The following IL1RN variants were observed in gnomAD, a reference collection of about 807,000 sequenced individuals.
IL1RN encodes the protein interleukin-1 receptor antagonist protein.
IL1RN carries 10 observed loss-of-function variants against 13.7 expected under a neutral mutation model. That is an observed-to-expected ratio of 0.73 (90% confidence interval 0.45 to 1.24). The LOEUF (loss-of-function observed/expected upper bound fraction) is 1.24, where lower values mean the gene tolerates loss of function less well. IL1RN is among the 50% of genes most tolerant of loss of function. The probability of loss-of-function intolerance (pLI) is 0.00; values close to 1 mark genes in which losing one functional copy is unlikely to be tolerated. For synonymous variants in IL1RN, 102 were observed against 82.7 expected, an observed-to-expected ratio of 1.23 and a Z score of -1.27; for missense variants, 213 against 222.1, an observed-to-expected ratio of 0.96 and a Z score of 0.26.
At chr2:113,106,307 TA>T (rs1205585825), upstream of IL1RN, among the ~76,000 whole-genome samples, 82 of 152,296 alleles carry the variant, frequency 5.4e-4, no homozygotes, top group Admixed American at 6.5e-5. Context: ...TACAAAATAA[TA>T]ACTTATTTTT....
At chr2:113,115,859 C>G (rs182311248), upstream of IL1RN, among the ~76,000 whole-genome samples, 423 of 152,290 alleles carry the variant, frequency 2.8e-3, 5 homozygotes, top group African/African-American at 9.8e-3. Flanking sequence ...TTGGGACCAC[C>G]TGGGAATGCC....
intron 1 of IL1RN, among the ~76,000 whole-genome samples, chr2:113,118,921 T>C (rs4251979): frequency 0.21 from 31,855 of 151,988 alleles, 4,061 homozygotes; most frequent in South Asian, 0.28. Context: ...TCTGCAATCT[T>C]AGCTACTTGG....
At chr2:113,126,800 G>A (rs7607910), upstream of IL1RN, among the ~76,000 whole-genome samples, 40 of 152,246 alleles carry the variant, frequency 2.6e-4, no homozygotes, top group African/African-American at 8.9e-4. Flanking sequence ...AAGGTCACAC[G>A]GGTGGCACAA....
upstream of IL1RN, among the ~76,000 whole-genome samples, chr2:113,107,569 C>CA (rs33981313): frequency 0.36 from 51,259 of 143,014 alleles, 9,310 homozygotes; most frequent in Non-Finnish European, 0.4. Context: ...ACTAAAAATA[C>CA]AAAAAAAAAA....
chr2:113,111,777 A>G (rs898528410), intron 1 of IL1RN, among the ~76,000 whole-genome samples: 16 of 152,210 alleles, frequency 1.1e-4, no homozygotes, highest in Non-Finnish European at 1.5e-4. Flanking sequence ...GATAACCTCT[A>G]TTGCATGCTA....
Position 113,132,739 on chromosome 2 carries a change from C to T in IL1RN, c.402C>T (p.Thr134=), listed in dbSNP as rs1191722960. 1 of 1,614,146 alleles carries T rather than the reference C, an allele frequency of 6.2e-7. No individual in the cohort carries two copies. The highest frequency in any genetic ancestry group is 1.3e-5 in the African/African-American group (1 of 74,942). Residue 134 remains threonine (T), a synonymous_variant, in exon 4 of 4, where the codon ACC becomes ACT. Coordinates refer to ENST00000409930, the MANE Select transcript of IL1RN (RefSeq NM_173842.3). ...AFIRSDSGPT[T]SFESAACPGW... is the part of the protein sequence containing the mutation. ...TCCGCTCAGACAGTGGCCCCACCAC[C>T]AGTTTTGAGTCTGCCGCCTGCCCCG...
chr2:113,113,769 A>C (rs1686542106), upstream of IL1RN, among the ~76,000 whole-genome samples: 1 of 152,214 alleles, frequency 6.6e-6, no homozygotes, highest in Non-Finnish European at 1.5e-5. Context: ...TAGTTTAAAA[A>C]TGGTTGGACT....
intron 1 of IL1RN, among the ~76,000 whole-genome samples, chr2:113,111,449 C>T (rs1264294598): frequency 6.6e-6 from 1 of 152,192 alleles, no homozygotes; most frequent in Non-Finnish European, 1.5e-5. Context: ...ATTCTGAATA[C>T]TGTTGTGGAA....
upstream of IL1RN, among the ~76,000 whole-genome samples, chr2:113,103,758 TG>T (rs1686347783): frequency 6.6e-6 from 1 of 152,010 alleles, no homozygotes; most frequent in East Asian, 1.9e-4. Context: ...GAAAGATGGT[TG>T]GGGAGAGCAG....
At chr2:113,125,952 C>A (rs946234687), upstream of IL1RN, among the ~76,000 whole-genome samples, 3 of 152,186 alleles carry the variant, frequency 2.0e-5, no homozygotes, top group Middle Eastern at 3.2e-3. Context: ...GCACATGCCA[C>A]CATCCCTGCT....
upstream of IL1RN, among the ~76,000 whole-genome samples, chr2:113,109,422 A>T (rs2104422211): frequency 6.6e-6 from 1 of 152,042 alleles, no homozygotes; most frequent in African/African-American, 2.4e-5. Context: ...AAAAAAAAAA[A>T]AAAAAAAATT....
Position 113,119,741 on chromosome 2 carries a change from G to A in IL1RN, c.11-325G>A, listed in dbSNP as rs143133759. On this transcript the variant is annotated intron_variant, in intron 1 of 5. Coordinates refer to the IL1RN transcript ENST00000259206. ...CACAATAGGTGCTAAATAAATGTGT[G>A]TTAACTTGAATTGGATTGAATTCGG... Among the ~76,000 whole-genome samples, 712 of 152,352 alleles carry A rather than the reference G, an allele frequency of 4.7e-3. 7 individuals are homozygous for A. The highest frequency in any genetic ancestry group is 0.011 in the Admixed American group (167 of 15,308).
chr2:113,133,401 T>C lies in IL1RN; in HGVS notation c.*530T>C, dbSNP rs191839052. On this transcript the variant is annotated 3_prime_UTR_variant, in exon 4 of 4. Coordinates refer to ENST00000409930, the MANE Select transcript of IL1RN (RefSeq NM_173842.3). The stretch of plus-strand genomic sequence containing the variant: ...GAGAGCCCTTCATTTGGAGATTATG[T>C]TCTTTCGGGGAGAGGCTGAGGACTT... The C allele has an allele frequency of 6.0e-6, 1 of 167,296 alleles. No individual in the cohort carries two copies. The highest frequency in any genetic ancestry group is 1.7e-4 in the East Asian group (1 of 6,004). The allele number at this position is 167,296 out of a possible 1,614,324, so 10.4% of individuals were successfully genotyped here.
chr2:113,108,228 CTT>C (rs1686415878), upstream of IL1RN, among the ~76,000 whole-genome samples: 1 of 150,262 alleles, frequency 6.7e-6, no homozygotes, highest in African/African-American at 2.4e-5. Flanking sequence ...GAGTCCTTCT[CTT>C]ATCTTTTTTT....
intron 2 of IL1RN, 23 bp downstream of exon 2, chr2:113,129,687 A>G (rs1289063805): frequency 6.8e-7 from 1 of 1,478,970 alleles, no homozygotes; most frequent in South Asian, 1.1e-5. Context: ...CAGGAAAGCC[A>G]ATGTATGTGG....
intron 1 of IL1RN, among the ~76,000 whole-genome samples, chr2:113,119,427 C>T (rs1686692471): frequency 6.6e-6 from 1 of 152,190 alleles, no homozygotes; most frequent in Admixed American, 6.5e-5. Context: ...TGTCTTCAAA[C>T]CACTACACTA....
In IL1RN at chr2:113,129,561, C is replaced by G; in HGVS notation, c.117-15C>G. The stretch of plus-strand genomic sequence containing the variant: ...TGGTGGCTGTGCACTACAGCTGAGT[C>G]CTTTTCCTTTTCAGAATCTGGGATG... On this transcript the variant is annotated splice_polypyrimidine_tract_variant and intron_variant, in intron 1 of 3. Transcript: ENST00000409930. The G allele has an allele frequency of 6.4e-7, 1 of 1,555,290 alleles. No individual in the cohort carries two copies.
intron 3 of IL1RN, among the ~76,000 whole-genome samples, chr2:113,131,406 GA>G (rs769357257): frequency 2.6e-5 from 4 of 152,124 alleles, no homozygotes; most frequent in Non-Finnish European, 4.4e-5. Flanking sequence ...GAGTTAGTTG[GA>G]GCTTCCTTAC....
At chr2:113,114,429 A>C (rs1290509629), upstream of IL1RN, among the ~76,000 whole-genome samples, 2 of 152,096 alleles carry the variant, frequency 1.3e-5, no homozygotes, top group African/African-American at 2.4e-5. Flanking sequence ...CCAGTGAGCC[A>C]TGGCCTGGGG....
Sources: allele counts gnomAD v4.1 joint callset (sites outside exome capture counted in the v4.1 genomes callset), GRCh38; gene constraint gnomAD v4.1.1; transcripts MANE v1.5; gene names NCBI Gene and HGNC (gene_info 2026-07-23, HGNC 2026-07-21).